The following TRPM3 variants were observed in gnomAD, a reference collection of about 807,000 sequenced individuals.
The protein encoded by TRPM3 is transient receptor potential cation channel subfamily M member 3.
A neutral mutation model predicts 181.2 loss-of-function variants in TRPM3; 77 were observed. The ratio of observed to expected loss-of-function variants is 0.42; its 90% CI spans 0.35 to 0.51. The LOEUF (loss-of-function observed/expected upper bound fraction) is 0.51. Ranked by LOEUF, TRPM3 falls within the 20% of genes least tolerant of loss-of-function variation. The pLI, the probability that TRPM3 is intolerant of heterozygous loss-of-function variation, is 0.01. For synonymous variants in TRPM3, 745 were observed against 796.4 expected, an observed-to-expected ratio of 0.94 and a Z score of 1.09; for missense variants, 1,759 against 2,196.7, an observed-to-expected ratio of 0.80 and a Z score of 3.98.
intron 1 of TRPM3, among the ~76,000 whole-genome samples, chr9:71,054,915 G>A (rs565895443): frequency 3.9e-5 from 6 of 152,222 alleles, no homozygotes; most frequent in Middle Eastern, 3.4e-3. Flanking sequence ...ATAACTTACA[G>A]GGTTATGGTG....
chr9:71,433,524 G>C (rs982174874), intron 1 of TRPM3, among the ~76,000 whole-genome samples: 1 of 152,008 alleles, frequency 6.6e-6, no homozygotes, highest in Non-Finnish European at 1.5e-5. Flanking sequence ...CCCACTCTCG[G>C]GTATGTCTTT....
chr9:70,925,411 G>C (rs898292765), intron 1 of TRPM3, among the ~76,000 whole-genome samples: 1 of 152,084 alleles, frequency 6.6e-6, no homozygotes, highest in East Asian at 1.9e-4. Context: ...ATGTTTTAGG[G>C]AGGCTGTGGG....
At chr9:71,118,192 T>C (rs578174803) in intron 1 of TRPM3, among the ~76,000 whole-genome samples, 152 of 152,326 alleles carry the variant, frequency 1.0e-3, no homozygotes, top group Non-Finnish European at 1.6e-3. Flanking sequence ...GCTATCATCA[T>C]TGTGTGCCTG....
At chr9:70,994,625 C>T (rs1208332254) in intron 1 of TRPM3, among the ~76,000 whole-genome samples, 2 of 152,076 alleles carry the variant, frequency 1.3e-5, no homozygotes, top group Non-Finnish European at 2.9e-5. Flanking sequence ...AATTTTCCCC[C>T]TTCAGTATTT....
At chr9:71,077,028 C>T (rs998386717) in intron 1 of TRPM3, among the ~76,000 whole-genome samples, 17 of 152,174 alleles carry the variant, frequency 1.1e-4, no homozygotes, top group South Asian at 2.1e-4. Flanking sequence ...GGGTTTCTTA[C>T]GCCATTAACA....
Position 70,979,985 on chromosome 9 carries a change from C to T in TRPM3, c.178-115474G>A, listed in dbSNP as rs2097347272. Among the ~76,000 whole-genome samples the T allele has an allele frequency of 2.0e-5, 3 of 151,404 alleles. No homozygotes were observed. In the South Asian group the frequency reaches 6.2e-4, roughly 32 times the overall value. ...TCGTAAAGACCCTATTTCCAGCTGG[C>T]CACATTAGGGTCTAGGGCTTCAACA... On this transcript the variant is annotated intron_variant, in intron 1 of 25. Coordinates refer to ENST00000677713, the MANE Select transcript of TRPM3 (RefSeq NM_001366145.2).
intron 1 of TRPM3, among the ~76,000 whole-genome samples, chr9:71,283,096 C>T (rs1000021828): frequency 2.0e-5 from 3 of 151,954 alleles, no homozygotes; most frequent in African/African-American, 7.3e-5. Flanking sequence ...ACAGTTTAGT[C>T]TGTATTAAAC....
chr9:71,130,803 G>A (rs77928685), intron 1 of TRPM3, among the ~76,000 whole-genome samples: 2 of 152,118 alleles, frequency 1.3e-5, no homozygotes, highest in Admixed American at 1.3e-4. Flanking sequence ...GATGATAATA[G>A]AGAAAGAATT....
chr9:71,159,613 C>G (rs13284436), intron 1 of TRPM3, among the ~76,000 whole-genome samples: 35,534 of 151,924 alleles, frequency 0.23, 4,884 homozygotes, highest in African/African-American at 0.38. Flanking sequence ...CTTCCTTTGA[C>G]TAGCCTTGGA....
chr9:71,377,043 T>C (rs1278745313), intron 1 of TRPM3, among the ~76,000 whole-genome samples: 1 of 152,106 alleles, frequency 6.6e-6, no homozygotes, highest in African/African-American at 2.4e-5. Flanking sequence ...ATTATACTAG[T>C]TTGCAAGTTA....
At chr9:70,805,761 T>C (rs1017068411) in intron 6 of TRPM3, among the ~76,000 whole-genome samples, 4 of 151,980 alleles carry the variant, frequency 2.6e-5, no homozygotes, top group African/African-American at 9.7e-5. Context: ...TGTGCAAAAA[T>C]AGAATCTAAG....
chr9:70,685,893 TGTC>T (rs1447865999), intron 8 of TRPM3, among the ~76,000 whole-genome samples: 1 of 18,708 alleles, frequency 5.3e-5, no homozygotes, highest in Non-Finnish European at 9.9e-5. Flanking sequence ...TTATATGCAC[TGTC>T]ATTTTCGTTC....
At chr9:71,145,319 A>G (rs2075344795) in intron 1 of TRPM3, among the ~76,000 whole-genome samples, 1 of 152,202 alleles carries the variant, frequency 6.6e-6, no homozygotes, top group African/African-American at 2.4e-5. Context: ...TTAAGCAACA[A>G]CAGAAGAGAG....
At chr9:71,237,683 G>A (rs897680597) in intron 1 of TRPM3, among the ~76,000 whole-genome samples, 1 of 152,128 alleles carries the variant, frequency 6.6e-6, no homozygotes, top group African/African-American at 2.4e-5. Flanking sequence ...TCTCCTTAGA[G>A]AGTGTCTCAG....
intron 1 of TRPM3, among the ~76,000 whole-genome samples, chr9:71,299,546 A>C (rs2086592684): frequency 2.0e-5 from 3 of 151,672 alleles, no homozygotes; most frequent in Admixed American, 1.3e-4. Context: ...AAAGGAAGGA[A>C]GGAGAGGGGA....
chr9:70,961,515 G>A (rs1181023062), intron 1 of TRPM3, among the ~76,000 whole-genome samples: 3 of 152,126 alleles, frequency 2.0e-5, no homozygotes, highest in Non-Finnish European at 4.4e-5. Flanking sequence ...GTTTTACAGA[G>A]CCTGACTCTG....
At chr9:70,745,092 C>T (rs887265893) in intron 8 of TRPM3, among the ~76,000 whole-genome samples, 1 of 152,226 alleles carries the variant, frequency 6.6e-6, no homozygotes, top group Admixed American at 6.5e-5. Context: ...TAGACATCAT[C>T]ATCACCATTG....
chr9:71,405,125 C>T (rs895914143), intron 1 of TRPM3, among the ~76,000 whole-genome samples: 4 of 152,102 alleles, frequency 2.6e-5, no homozygotes, highest in African/African-American at 9.7e-5. Flanking sequence ...TATTTCTTGC[C>T]TCATACGAAT....
intron 9 of TRPM3, among the ~76,000 whole-genome samples, chr9:70,668,664 C>CAAAAA (rs1466148469): frequency 4.1e-5 from 1 of 24,326 alleles, no homozygotes; most frequent in Non-Finnish European, 8.0e-5. Context: ...GACTCCGTCT[C>CAAAAA]AAAAAAAGAA....
Sources: allele counts gnomAD v4.1 joint callset (sites outside exome capture counted in the v4.1 genomes callset), GRCh38; gene constraint gnomAD v4.1.1; transcripts MANE v1.5; gene names NCBI Gene and HGNC (gene_info 2026-07-23, HGNC 2026-07-21).